The following NMBR variants were observed in gnomAD, a reference collection of about 807,000 sequenced individuals.
NMBR encodes the protein neuromedin-B receptor.
NMBR carries 16 observed loss-of-function variants against 20.5 expected under a neutral mutation model. The ratio of observed to expected loss-of-function variants is 0.78; its 90% CI spans 0.53 to 1.19. NMBR has a LOEUF of 1.19. Ranked by LOEUF, NMBR falls within the 50% of genes most tolerant of loss-of-function variation. The probability of loss-of-function intolerance (pLI) is 0.00; values close to 1 mark genes in which losing one functional copy is unlikely to be tolerated. For synonymous variants in NMBR, 212 were observed against 196.6 expected, an observed-to-expected ratio of 1.08 and a Z score of -0.65; for missense variants, 582 against 499.1, an observed-to-expected ratio of 1.17 and a Z score of -1.58.
chr6:142,137,108 T>C (rs1169753223), intron 1 of NMBR, among the ~76,000 whole-genome samples: 2 of 152,212 alleles, frequency 1.3e-5, no homozygotes, highest in Non-Finnish European at 2.9e-5. Flanking sequence ...TTTCACGATA[T>C]TGATTCTTCC....
At chr6:142,086,180 G>A (rs1196344227) in intron 2 of NMBR, among the ~76,000 whole-genome samples, 1 of 151,986 alleles carries the variant, frequency 6.6e-6, no homozygotes, top group African/African-American at 2.4e-5. Context: ...CAAACATGTT[G>A]GCACCATCAG....
At chr6:142,139,732 C>T (rs1174117852) in intron 1 of NMBR, among the ~76,000 whole-genome samples, 5 of 152,130 alleles carry the variant, frequency 3.3e-5, no homozygotes, top group East Asian at 1.9e-4. Flanking sequence ...AATTCACTAC[C>T]GACCTACTAT....
At chr6:142,087,845 A>G (rs1340368090) in intron 2 of NMBR, among the ~76,000 whole-genome samples, 2 of 152,180 alleles carry the variant, frequency 1.3e-5, no homozygotes, top group Non-Finnish European at 2.9e-5. Context: ...TTCTTACTCT[A>G]CTGCATAAAG....
At chr6:142,110,381 T>C (rs1052972727) in intron 1 of NMBR, among the ~76,000 whole-genome samples, 7 of 152,170 alleles carry the variant, frequency 4.6e-5, no homozygotes, top group Non-Finnish European at 5.9e-5. Context: ...AATGGAATAT[T>C]GGATGGCATT....
Position 142,076,049 on chromosome 6 carries a change from T to C in NMBR, c.772A>G (p.Met258Val), listed in dbSNP as rs1776939888. 7 of 1,561,516 alleles carry C rather than the reference T, an allele frequency of 4.5e-6. No individual in the cohort carries two copies. Among genetic ancestry groups the C allele is most frequent in the African/African-American group, 4.1e-5 (3 of 72,608 alleles). The change falls in exon 4 of 4, where the codon ATG becomes GTG. Residue 258 changes from methionine (M) to valine (V), a missense_variant and splice_region_variant. Coordinates refer to ENST00000258042, the MANE Select transcript of NMBR (RefSeq NM_002511.4). The stretch of plus-strand genomic sequence containing the variant: ...TTAGCCAGGCGTTTCCGTGTTTCCA[T>C]CTGCAAATATAAGAAATTGATCCCA... ...GEYNEHTKKQ[M>V]ETRKRLAKIV...
chr6:142,134,606 T>C (rs761569315), intron 1 of NMBR: 26 of 668,788 alleles, frequency 3.9e-5, no homozygotes, highest in Non-Finnish European at 6.2e-5. Context: ...TGTAAAAGCA[T>C]CAATCAAGAA....
intron 1 of NMBR, among the ~76,000 whole-genome samples, chr6:142,100,625 A>G (rs887535027): frequency 6.6e-6 from 1 of 152,204 alleles, no homozygotes; most frequent in Non-Finnish European, 1.5e-5. Flanking sequence ...TAATTGTAGA[A>G]ATGTGTAATT....
At chr6:142,130,176 C>T (rs1453138609) in intron 1 of NMBR, among the ~76,000 whole-genome samples, 1 of 152,036 alleles carries the variant, frequency 6.6e-6, no homozygotes, top group Non-Finnish European at 1.5e-5. Flanking sequence ...AAAATAAGGT[C>T]AAAGTTTATT....
chr6:142,121,493 G>C (rs74478334), intron 1 of NMBR, among the ~76,000 whole-genome samples: 1 of 151,878 alleles, frequency 6.6e-6, no homozygotes, highest in African/African-American at 2.4e-5. Flanking sequence ...GTGCTACTCC[G>C]ATTAATACAA....
intron 2 of NMBR, among the ~76,000 whole-genome samples, chr6:142,080,311 C>CTT (rs767477652): frequency 0.028 from 3,196 of 116,162 alleles, 190 homozygotes; most frequent in African/African-American, 0.062. Flanking sequence ...TGCCCTATAT[C>CTT]TTTTTTTTTT....
intron 2 of NMBR, among the ~76,000 whole-genome samples, chr6:142,080,060 T>A (rs1777061780): frequency 6.6e-6 from 1 of 152,220 alleles, no homozygotes; most frequent in Non-Finnish European, 1.5e-5. Context: ...AGGATTTTAG[T>A]TAGACAAATC....
intron 1 of NMBR, among the ~76,000 whole-genome samples, chr6:142,123,353 T>C (rs1377895844): frequency 2.0e-5 from 3 of 151,942 alleles, no homozygotes; most frequent in Non-Finnish European, 4.4e-5. Flanking sequence ...AGAGTATTTC[T>C]TCAGATGCAA....
intron 1 of NMBR, among the ~76,000 whole-genome samples, chr6:142,130,467 G>T (rs551437942): frequency 9.2e-5 from 14 of 152,218 alleles, no homozygotes; most frequent in African/African-American, 2.6e-4. Context: ...TTAGACAAAA[G>T]ATTTCTAGAT....
intron 2 of NMBR, among the ~76,000 whole-genome samples, chr6:142,086,780 A>G (rs919380233): frequency 2.0e-5 from 3 of 152,192 alleles, no homozygotes; most frequent in Non-Finnish European, 4.4e-5. Flanking sequence ...TCGCCATGAC[A>G]ATAGATTGTA....
In NMBR at chr6:142,094,000, GT is replaced by G. The variant is rs1190565669; in HGVS notation, c.-663-4680del. ...CCTTCGCCCACTCTTTGATGGGGTT[GT>G]TTTTTTTCTTGTAAATTTGTTTGAG... On this transcript the variant is annotated intron_variant, in intron 1 of 3. Transcript: ENST00000258042. 2.0e-4 allele frequency among the ~76,000 whole-genome samples: 8 copies of G among 39,264 alleles called. 1 individual carries two copies. Among genetic ancestry groups the G allele is most frequent in the African/African-American group, 7.5e-4 (5 of 6,688 alleles). 25.8% of individuals were successfully genotyped at this position (39,264 alleles called of 152,430 possible). A position where few individuals can be genotyped will look rare whatever the true frequency, so the allele number is the denominator to read the frequency against.
At chr6:142,095,363 G>A (rs181535222) in intron 1 of NMBR, among the ~76,000 whole-genome samples, 1 of 152,318 alleles carries the variant, frequency 6.6e-6, no homozygotes, top group African/African-American at 2.4e-5. Flanking sequence ...TTAGCATGAA[G>A]TGTTGTTGAA....
intron 1 of NMBR, chr6:142,134,027 C>G: frequency 1.5e-6 from 1 of 685,820 alleles, no homozygotes; most frequent in Non-Finnish European, 2.7e-6. Context: ...GCCAATCACT[C>G]CACAAGTAAG....
chr6:142,090,341 C>A (rs1777300574), intron 1 of NMBR, among the ~76,000 whole-genome samples: 1 of 151,998 alleles, frequency 6.6e-6, no homozygotes, highest in African/African-American at 2.4e-5. Context: ...TGTATATATG[C>A]AATGTCACTT....
intron 1 of NMBR, among the ~76,000 whole-genome samples, chr6:142,109,598 C>T (rs1056222971): frequency 2.7e-5 from 4 of 150,264 alleles, no homozygotes; most frequent in Non-Finnish European, 5.9e-5. Flanking sequence ...TGAAAAGATG[C>T]TCAATATTAT....
Sources: allele counts gnomAD v4.1 joint callset (sites outside exome capture counted in the v4.1 genomes callset), GRCh38; gene constraint gnomAD v4.1.1; transcripts MANE v1.5; gene names NCBI Gene and HGNC (gene_info 2026-07-23, HGNC 2026-07-21).